Variants in SUCLG2 observed in about 807,000 individuals in gnomAD.
SUCLG2 encodes succinate--CoA ligase [GDP-forming] subunit beta, mitochondrial.
Under a neutral mutation model 47.9 loss-of-function variants are expected in SUCLG2, and 42 were observed. The ratio of observed to expected loss-of-function variants is 0.88; its 90% CI spans 0.69 to 1.14. SUCLG2 has a LOEUF of 1.14. Among genes scored for constraint, SUCLG2 ranks in the 50% most tolerant of loss-of-function variants. The pLI, the probability that SUCLG2 is intolerant of heterozygous loss-of-function variation, is 0.00. For missense variants in SUCLG2, 571 were observed against 525.9 expected (o/e 1.09, Z -0.84); for synonymous variants, 195 against 197.3 (o/e 0.99, Z 0.10).
chr3:67,555,509 A>C (rs576709223), intron 2 of SUCLG2, among the ~76,000 whole-genome samples: 1 of 152,192 alleles, frequency 6.6e-6, no homozygotes, highest in South Asian at 2.1e-4. Flanking sequence ...ATCTTTCCCA[A>C]AAACAACCAG....
chr3:67,381,292 C>G (rs1203440751), intron 10 of SUCLG2, among the ~76,000 whole-genome samples: 1 of 152,078 alleles, frequency 6.6e-6, no homozygotes, highest in African/African-American at 2.4e-5. Flanking sequence ...TTAGAGGAAG[C>G]CTTGGAAATG....
intron 2 of SUCLG2, among the ~76,000 whole-genome samples, chr3:67,558,636 A>G (rs1221232299): frequency 6.6e-6 from 1 of 152,214 alleles, no homozygotes. Flanking sequence ...ATTTCCGGTA[A>G]TAGAAATTTC....
At chr3:67,637,662 A>G (rs1290217028) in intron 1 of SUCLG2, among the ~76,000 whole-genome samples, 1 of 152,244 alleles carries the variant, frequency 6.6e-6, no homozygotes, top group Non-Finnish European at 1.5e-5. Flanking sequence ...TTCATGCTCC[A>G]GGGAACCAGT....
intron 10 of SUCLG2, among the ~76,000 whole-genome samples, chr3:67,376,808 C>T (rs1250718673): frequency 1.3e-5 from 2 of 152,178 alleles, no homozygotes; most frequent in Non-Finnish European, 2.9e-5. Context: ...GGCCGCTTGG[C>T]ACTGTGTCTT....
chr3:67,549,810 ACT>A (rs1706964244), intron 2 of SUCLG2, among the ~76,000 whole-genome samples: 2 of 152,290 alleles, frequency 1.3e-5, no homozygotes, highest in South Asian at 4.2e-4. Context: ...CAAGATATTA[ACT>A]CTGATTACTG....
At chr3:67,406,754 C>T (rs1469728878) in intron 9 of SUCLG2, among the ~76,000 whole-genome samples, 3 of 152,082 alleles carry the variant, frequency 2.0e-5, no homozygotes, top group Admixed American at 1.3e-4. Flanking sequence ...TTTGAGAAGC[C>T]TTTGGTTTTG....
rs562111424 is a variant in SUCLG2 at position 67,480,056 on chromosome 3, G to A, written c.1062+15742C>T. On this transcript the variant is annotated intron_variant, in intron 9 of 10. Coordinates refer to ENST00000307227, the MANE Select transcript of SUCLG2 (RefSeq NM_003848.4). ...AATATAAGGGGTTATAAAGCGTATG[G>A]GGAAGGAAATAAAAATAAGTGTTAA... Among the ~76,000 whole-genome samples the A allele has an allele frequency of 9.9e-5, 15 of 152,238 alleles. 1 individual carries two copies. The South Asian group carries it at 2.5e-3, about 25-fold the overall frequency.
At chr3:67,512,483 C>G (rs1038901242) in intron 6 of SUCLG2, among the ~76,000 whole-genome samples, 2 of 150,774 alleles carry the variant, frequency 1.3e-5, no homozygotes, top group Non-Finnish European at 2.9e-5. Flanking sequence ...TCTGCAGAGT[C>G]AACACTCGAT....
At chr3:67,519,680 TAATG>T (rs1376304500) in intron 5 of SUCLG2, among the ~76,000 whole-genome samples, 1 of 152,130 alleles carries the variant, frequency 6.6e-6, no homozygotes, top group Non-Finnish European at 1.5e-5. Flanking sequence ...CTAAAAGAAA[TAATG>T]AATGTTTCTG....
chr3:67,543,545 G>C (rs574724664), intron 2 of SUCLG2, among the ~76,000 whole-genome samples: 3 of 152,224 alleles, frequency 2.0e-5, no homozygotes, highest in East Asian at 1.9e-4. Context: ...CATACCTGTA[G>C]TCCAAGCTAC....
intron 9 of SUCLG2, among the ~76,000 whole-genome samples, chr3:67,486,545 A>G (rs566653075): frequency 6.6e-6 from 1 of 152,312 alleles, no homozygotes; most frequent in East Asian, 1.9e-4. Context: ...CTTTGTTTTA[A>G]GTATGCTTCT....
chr3:67,383,929 C>T (rs538022253), intron 10 of SUCLG2, among the ~76,000 whole-genome samples: 1 of 152,338 alleles, frequency 6.6e-6, no homozygotes, highest in East Asian at 1.9e-4. Context: ...ACCCAAACAT[C>T]TGCATGTGAA....
intron 2 of SUCLG2, among the ~76,000 whole-genome samples, chr3:67,604,680 G>C (rs189811120): frequency 1.3e-5 from 2 of 152,248 alleles, no homozygotes; most frequent in East Asian, 3.9e-4. Context: ...GCAACCAAGA[G>C]ATGACAAGTT....
At position 67,520,558 on chromosome 3, in the gene SUCLG2, G is replaced by C. The variant is rs1377026529; in HGVS notation, c.494C>G (p.Pro165Arg). The change falls in exon 5 of 11, where the codon CCC becomes CGC. Residue 165 changes from proline to arginine, a missense_variant. Transcript: ENST00000307227. ...CCCCTGGGGGCTGCCCACCAGCACG[G>C]GGCCATTGCAGGACCGGTCCATCAG... ...AILMDRSCNG[P>R]VLVGSPQGGV... 1.2e-6 allele frequency: 2 copies of C among 1,614,180 alleles called. No homozygotes were observed. Among genetic ancestry groups the C allele is most frequent in the Non-Finnish European group, 1.7e-6 (2 of 1,180,010 alleles).
intron 10 of SUCLG2, among the ~76,000 whole-genome samples, chr3:67,364,010 C>A (rs527682861): frequency 5.9e-5 from 9 of 152,258 alleles, no homozygotes; most frequent in African/African-American, 1.9e-4. Context: ...TGGGCACAGA[C>A]AAGGAAACCA....
chr3:67,592,035 C>T (rs1024130935), intron 2 of SUCLG2, among the ~76,000 whole-genome samples: 5 of 152,192 alleles, frequency 3.3e-5, no homozygotes, highest in East Asian at 3.9e-4. Context: ...TCTGAGTTAT[C>T]GCTATTAATT....
At chr3:67,381,260 A>G (rs2106769060) in intron 10 of SUCLG2, among the ~76,000 whole-genome samples, 1 of 152,258 alleles carries the variant, frequency 6.6e-6, no homozygotes, top group Middle Eastern at 3.4e-3. Flanking sequence ...CAGGTTATTG[A>G]AAAAGAAAAG....
intron 7 of SUCLG2, among the ~76,000 whole-genome samples, chr3:67,501,692 A>G (rs1378378175): frequency 1.3e-5 from 2 of 152,156 alleles, no homozygotes; most frequent in Non-Finnish European, 2.9e-5. Flanking sequence ...TCCAGAAAGA[A>G]TAACAGATCA....
chr3:67,459,198 T>C (rs1312739890), intron 9 of SUCLG2, among the ~76,000 whole-genome samples: 2 of 152,200 alleles, frequency 1.3e-5, no homozygotes. Context: ...CATTCTCAAC[T>C]ATTTAAGCTA....
Sources: gnomAD v4.1 joint callset for allele counts (sites outside exome capture counted in the v4.1 genomes callset) on GRCh38, gnomAD v4.1.1 for gene constraint, MANE v1.5 for transcripts, NCBI Gene and HGNC (gene_info 2026-07-23, HGNC 2026-07-21) for gene names.